Variants in TUBA3C observed in about 807,000 individuals in gnomAD.
TUBA3C encodes tubulin alpha 3c.
A neutral mutation model predicts 33.4 loss-of-function variants in TUBA3C; 23 were observed. That is an observed-to-expected ratio of 0.69 (90% confidence interval 0.50 to 0.98). The LOEUF (loss-of-function observed/expected upper bound fraction) is 0.98, where lower values mean the gene tolerates loss of function less well. TUBA3C is among the 50% of genes least tolerant of loss of function. The pLI is 0.00. For missense variants in TUBA3C, 402 were observed against 616.0 expected (o/e 0.65, Z 3.68); for synonymous variants, 269 against 250.4 (o/e 1.07, Z -0.70).
Position 19,178,305 on chromosome 13 carries a change from C to T in TUBA3C, c.316G>A (p.Gly106Ser), listed in dbSNP as rs1869274025. 6.2e-7 allele frequency: 1 copy of T among 1,614,174 alleles called. No individual in the cohort carries two copies. The highest frequency in any genetic ancestry group is 8.5e-7 in the Non-Finnish European group (1 of 1,180,046). ...KEDAANNYAR[G>S]HYTIGKEIVD... is the part of the protein sequence containing the mutation. The stretch of plus-strand genomic sequence containing the variant: ...ATCTCCTTGCCGATGGTGTAATGGC[C>T]TCTGGCGTAATTATTGGCCGCATCT... Residue 106 changes from glycine to serine, a missense_variant, in exon 3 of 5, where the codon GGC becomes AGC. Physicochemically the swap from Gly to Ser is moderately conservative, Grantham distance 56. Transcript: ENST00000400113.
In TUBA3C at chr13:19,177,554, A is replaced by T; in HGVS notation, c.429T>A (p.Gly143=). 3.1e-6 allele frequency: 5 copies of T among 1,611,464 alleles called. No individual in the cohort carries two copies. Among genetic ancestry groups the T allele is most frequent in the Non-Finnish European group, 3.4e-6 (4 of 1,178,794 alleles). ...QGFLIFHSFG[G]GTGSGFASLL... is the part of the protein sequence containing the mutation. ...GAGATGCGAACCCAGAGCCAGTGCC[A>T]CCCCCAAAACTGTGGAAGATGAGGA... is the stretch of plus-strand genomic sequence containing the variant. Residue 143 remains glycine, a synonymous_variant, in exon 4 of 5, where the codon GGT becomes GGA. Coordinates refer to ENST00000400113, the MANE Select transcript of TUBA3C (RefSeq NM_006001.3). This position sits in a 1 kb window ranked among gnomAD's most constrained non-coding sequence, Gnocchi z 5.0.
intron 4 of TUBA3C, among the ~76,000 whole-genome samples, chr13:19,175,128 T>C (rs1404780564): frequency 1.3e-4 from 20 of 152,056 alleles, no homozygotes; most frequent in Admixed American, 1.2e-3. Context: ...GGCGGGCGCC[T>C]GTAGTCCCAG....
At chr13:19,174,594 T>C (rs1207827982) in intron 4 of TUBA3C, among the ~76,000 whole-genome samples, 1 of 152,110 alleles carries the variant, frequency 6.6e-6, no homozygotes, top group Admixed American at 6.5e-5. Context: ...AACTTGGGCA[T>C]TACTATAAAC....
chr13:19,180,093 G>C (rs760046), intron 1 of TUBA3C, among the ~76,000 whole-genome samples: 1 of 152,062 alleles, frequency 6.6e-6, no homozygotes, highest in African/African-American at 2.4e-5. Flanking sequence ...CAGCATCAGA[G>C]GCCTTCCTTG....
At position 19,179,444 on chromosome 13, in the gene TUBA3C, G is replaced by A. The variant is rs199985252; in HGVS notation, c.123C>T (p.Thr41=). The A allele has an allele frequency of 1.1e-4, 184 of 1,613,920 alleles. No individual in the cohort carries two copies. The highest frequency in any genetic ancestry group is 1.5e-4 in the Non-Finnish European group (175 of 1,179,972). Residue 41 remains threonine (T), a synonymous_variant, in exon 2 of 5, where the codon ACC becomes ACT. Transcript: ENST00000400113. ...TGAAGGAGTCGTCCCCACCACCAATGGTTTTATCACTTGGCATCTGACCAT... is the reference window on the plus strand; with the variant it reads ...TGAAGGAGTCGTCCCCACCACCAATAGTTTTATCACTTGGCATCTGACCAT... ...QPDGQMPSDK[T]IGGGDDSFNT...
chr13:19,175,564 T>A (rs1869149833), intron 4 of TUBA3C, among the ~76,000 whole-genome samples: 1 of 152,216 alleles, frequency 6.6e-6, no homozygotes, highest in African/African-American at 2.4e-5. Flanking sequence ...TGTGGGTGTC[T>A]CTTCTTCTCC....
rs773041532 is a variant in TUBA3C, at chr13:19,178,289, C to T, written c.332G>A (p.Gly111Asp). The part of the protein sequence containing the change: ...NNYARGHYTI[G>D]KEIVDLVLDR... ...CAGGACCAGGTCGACGATCTCCTTG[C>T]CGATGGTGTAATGGCCTCTGGCGTA... is the stretch of plus-strand genomic sequence containing the variant. Residue 111 changes from glycine to aspartate, a missense_variant, in exon 3 of 5, where the codon GGC becomes GAC. Coordinates refer to ENST00000400113, the MANE Select transcript of TUBA3C (RefSeq NM_006001.3). 6.2e-7 allele frequency: 1 copy of T among 1,614,216 alleles called. No homozygotes were observed. The highest frequency in any genetic ancestry group is 1.1e-5 in the South Asian group (1 of 91,072).
In TUBA3C at chr13:19,178,363, G is replaced by C; in HGVS notation, c.258C>G (p.Leu86=). 2 of 1,614,198 alleles carry C rather than the reference G, an allele frequency of 1.2e-6. No individual in the cohort carries two copies. The highest frequency in any genetic ancestry group is 1.1e-5 in the South Asian group (1 of 91,066). The change falls in exon 3 of 5, where the codon CTC becomes CTG. Residue 86 remains leucine (L), a synonymous_variant. Coordinates refer to ENST00000400113, the MANE Select transcript of TUBA3C (RefSeq NM_006001.3). ...DEVRTGTYRQ[L]FHPEQLITGK... is the part of the protein sequence containing the mutation. ...CGGTGATCAGCTGCTCTGGGTGGAAGAGCTGCCTATAGGTTCCTGTGCGCA... is the reference window on the plus strand; with the variant it reads ...CGGTGATCAGCTGCTCTGGGTGGAACAGCTGCCTATAGGTTCCTGTGCGCA...
rs766720962 is a variant in TUBA3C, at chr13:19,179,537, C to A, written c.30G>T (p.Gly10=). The change falls in exon 2 of 5, where the codon GGG becomes GGT. Residue 10 remains glycine, a synonymous_variant. Coordinates refer to ENST00000400113, the MANE Select transcript of TUBA3C (RefSeq NM_006001.3). ...CATTGCCGATCTGGACTCCTGCCTG[C>A]CCCACGTGGATAGAGATACACTCAC... is the stretch of plus-strand genomic sequence containing the variant. MRECISIHV[G]QAGVQIGNAC... 1.2e-6 allele frequency: 2 copies of A among 1,614,234 alleles called. No homozygotes were observed. Among genetic ancestry groups the A allele is most frequent in the Non-Finnish European group, 1.7e-6 (2 of 1,180,030 alleles).
intron 4 of TUBA3C, 127 bp downstream of exon 4, chr13:19,176,800 T>C: frequency 1.3e-6 from 1 of 793,898 alleles, no homozygotes. Flanking sequence ...CACTAATTGA[T>C]GCCCACATGC....
chr13:19,174,247 T>C, intron 4 of TUBA3C, 88 bp from the exon 5 acceptor site: 1 of 1,493,036 alleles, frequency 6.7e-7, no homozygotes, highest in Non-Finnish European at 9.0e-7. Flanking sequence ...AGACACCCTG[T>C]AGGTGAACAG....
chr13:19,180,624 C>T (rs1285682572), intron 1 of TUBA3C, among the ~76,000 whole-genome samples: 2 of 152,040 alleles, frequency 1.3e-5, no homozygotes, highest in Admixed American at 6.5e-5. Context: ...GCCTCAGTCT[C>T]CCACGTAGCT....
At chr13:19,175,160 G>A (rs1276154138) in intron 4 of TUBA3C, among the ~76,000 whole-genome samples, 1 of 152,174 alleles carries the variant, frequency 6.6e-6, no homozygotes, top group African/African-American at 2.4e-5. Context: ...GCTGAGGCGG[G>A]AGAATGGCAT....
At chr13:19,181,093 C>T (rs1237687167) in intron 1 of TUBA3C, among the ~76,000 whole-genome samples, 1 of 150,600 alleles carries the variant, frequency 6.6e-6, no homozygotes, top group Non-Finnish European at 1.5e-5. Context: ...CTCTCTGTCG[C>T]ACAAGCTGGA....
At chr13:19,178,469 C>T in intron 2 of TUBA3C, 75 bp from the exon 3 acceptor site, 1 of 1,571,090 alleles carries the variant, frequency 6.4e-7, no homozygotes, top group East Asian at 2.3e-5. Flanking sequence ...CAGGACTGTT[C>T]ACTTCTACAA....
Position 19,177,410 on chromosome 13 carries a change from G to A in TUBA3C, c.573C>T (p.Thr191=). ...VVEPYNSILT[T]HTTLEHSDCA... is the part of the protein sequence containing the mutation. ...AGTCAGAATGTTCCAGGGTCGTGTG[G>A]GTGGTCAGGATGGAGTTGTAGGGCT... The change falls in exon 4 of 5, where the codon ACC becomes ACT. Residue 191 remains threonine (T), a synonymous_variant. Transcript: ENST00000400113. The surrounding 1 kb of genome is among the most constrained non-coding windows in gnomAD (Gnocchi z 5.0). The A allele has an allele frequency of 6.2e-7, 1 of 1,614,138 alleles. No homozygotes were observed. The highest frequency in any genetic ancestry group is 1.1e-5 in the South Asian group (1 of 91,068).
Position 19,173,833 on chromosome 13 carries a change from G to A in TUBA3C, c.*30C>T. 1 of 1,593,058 alleles carries A rather than the reference G, an allele frequency of 6.3e-7. No homozygotes were observed. The highest frequency in any genetic ancestry group is 8.6e-7 in the Non-Finnish European group (1 of 1,168,352). ...GAAAGCAGCCACGCTGGGGGTGGCA[G>A]TGGAGTGGAGAACCCACCACACCCT... On this transcript the variant is annotated 3_prime_UTR_variant, in exon 5 of 5. Transcript: ENST00000400113.
Position 19,178,682 on chromosome 13 carries a change from C to T in TUBA3C, c.227-288G>A, listed in dbSNP as rs36215406. On this transcript the variant is annotated intron_variant, in intron 2 of 4. Coordinates refer to ENST00000400113, the MANE Select transcript of TUBA3C (RefSeq NM_006001.3). ...GTGAAGGGAAATAAGCTCCAGCACCCCCACACAGGTAATTCTACAGGTACA... is the reference window on the plus strand; with the variant it reads ...GTGAAGGGAAATAAGCTCCAGCACCTCCACACAGGTAATTCTACAGGTACA... Among the ~76,000 whole-genome samples the T allele has an allele frequency of 9.0e-4, 137 of 152,258 alleles. 2 individuals are homozygous for T. In the East Asian group the frequency reaches 0.025, roughly 28 times the overall value.
chr13:19,180,137 G>C (rs1593262514), intron 1 of TUBA3C, among the ~76,000 whole-genome samples: 1 of 152,160 alleles, frequency 6.6e-6, no homozygotes, highest in Admixed American at 6.5e-5. Context: ...TTCAATGACA[G>C]GCAGCCGCAG....
Sources: gnomAD v4.1 joint callset for allele counts (sites outside exome capture counted in the v4.1 genomes callset) on GRCh38, gnomAD v4.1.1 for gene constraint, Gnocchi (gnomAD v3.1) non-coding constraint, MANE v1.5 for transcripts, NCBI Gene and HGNC (gene_info 2026-07-23, HGNC 2026-07-21) for gene names.